The following KALRN variants were observed in gnomAD, a reference collection of about 807,000 sequenced individuals.
KALRN encodes kalirin.
KALRN carries 70 observed loss-of-function variants against 353.7 expected under a neutral mutation model. The observed-to-expected ratio is 0.20, with a 90% CI of 0.16 to 0.24. The LOEUF (loss-of-function observed/expected upper bound fraction) is 0.24, where lower values mean the gene tolerates loss of function less well. KALRN is among the 10% of genes least tolerant of loss of function. KALRN has a pLI of 1.00. For synonymous variants in KALRN, 1,391 were observed against 1,434.8 expected (o/e 0.97, Z 0.69); for missense variants, 2,791 against 3,756.7 (o/e 0.74, Z 6.72).
At chr3:124,269,391 AT>A (rs80330260) in intron 5 of KALRN, 136 bp downstream of exon 5, 22 of 938,784 alleles carry the variant, frequency 2.3e-5, no homozygotes, top group South Asian at 3.6e-5. Context: ...AGCTAATGTA[AT>A]TTTTTTAAGC....
At chr3:124,169,828 C>A (rs2071467438) in intron 1 of KALRN, among the ~76,000 whole-genome samples, 1 of 152,024 alleles carries the variant, frequency 6.6e-6, no homozygotes, top group South Asian at 2.1e-4. Flanking sequence ...TTGTCCTGAA[C>A]GTGGGAGTAG....
intron 1 of KALRN, among the ~76,000 whole-genome samples, chr3:124,204,142 C>G (rs893359526): frequency 7.2e-5 from 11 of 152,100 alleles, no homozygotes; most frequent in Non-Finnish European, 1.2e-4. Context: ...TTTCTGTTCT[C>G]TGGCCAGTCA....
intron 1 of KALRN, among the ~76,000 whole-genome samples, chr3:124,055,536 C>G (rs2041449425): frequency 6.6e-6 from 1 of 152,168 alleles, no homozygotes; most frequent in Admixed American, 6.5e-5. Context: ...TTTCAGACCA[C>G]CTTAATTACT....
intron 1 of KALRN, among the ~76,000 whole-genome samples, chr3:124,125,442 C>G (rs2064536804): frequency 6.6e-6 from 1 of 152,052 alleles, no homozygotes; most frequent in Non-Finnish European, 1.5e-5. Context: ...AGGAGGAAGC[C>G]CAAGGTCAGA....
At chr3:124,358,276 C>T (rs963945668) in intron 10 of KALRN, among the ~76,000 whole-genome samples, 1 of 152,192 alleles carries the variant, frequency 6.6e-6, no homozygotes, top group African/African-American at 2.4e-5. Context: ...TTTCCCAGCC[C>T]CACTAATTTT....
intron 31 of KALRN, 128 bp downstream of exon 31, chr3:124,491,552 C>T (rs1327355352): frequency 1.8e-6 from 1 of 548,894 alleles, no homozygotes. Context: ...GGAATGGCAG[C>T]ATCACGTGGG....
intron 33 of KALRN, among the ~76,000 whole-genome samples, chr3:124,529,013 CA>C (rs1375655077): frequency 6.6e-6 from 1 of 152,076 alleles, no homozygotes; most frequent in South Asian, 2.1e-4. Context: ...CTGTAGATTG[CA>C]AAAACTTTTG....
At chr3:124,227,048 G>A (rs543622032) in intron 1 of KALRN, among the ~76,000 whole-genome samples, 2 of 152,178 alleles carry the variant, frequency 1.3e-5, no homozygotes, top group African/African-American at 2.4e-5. Flanking sequence ...TGATAGGGAT[G>A]CAATGGTCTA....
At position 124,334,412 on chromosome 3, in the gene KALRN, C is replaced by A. The variant is rs147539685; in HGVS notation, c.1564C>A (p.Arg522=). Residue 522 remains arginine, a synonymous_variant, in exon 9 of 60, where the codon CGG becomes AGG. Coordinates refer to ENST00000682506, the MANE Select transcript of KALRN (RefSeq NM_001388419.1). The surrounding 1 kb of genome is among the most constrained non-coding windows in gnomAD (Gnocchi z 4.2). The part of the protein sequence containing the change: ...VVHEVLHHQR[R]LESIWQHRKV... ...GCATGAGGTGTTACATCACCAGCGA[C>A]GGCTGGAGAGCATCTGGCAGCACCG... 355 of 1,614,166 alleles carry A rather than the reference C, an allele frequency of 2.2e-4. 3 individuals carry two copies. Among genetic ancestry groups the A allele is most frequent in the South Asian group, 1.1e-3 (99 of 91,084 alleles).
intron 15 of KALRN, among the ~76,000 whole-genome samples, chr3:124,426,754 A>C (rs1256590292): frequency 6.6e-6 from 1 of 152,188 alleles, no homozygotes; most frequent in Non-Finnish European, 1.5e-5. Context: ...ATTACTCTCC[A>C]AACCCGAAAG....
At chr3:124,389,956 T>C (rs946323330) in intron 11 of KALRN, among the ~76,000 whole-genome samples, 1 of 152,184 alleles carries the variant, frequency 6.6e-6, no homozygotes, top group African/African-American at 2.4e-5. Context: ...GAAAAGCTAC[T>C]TAAAAAAGAA....
chr3:124,413,640 G>A lies in KALRN; in HGVS notation c.2517G>A (p.Gln839=), dbSNP rs878992704. The A allele has an allele frequency of 3.7e-6, 6 of 1,614,046 alleles. No individual in the cohort carries two copies. In the South Asian group the frequency reaches 6.6e-5, roughly 18 times the overall value. The change falls in exon 14 of 60, where the codon CAG becomes CAA. Residue 839 remains glutamine, a synonymous_variant. Transcript: ENST00000682506. ...TCCAGCAGGGACAGGATCTGCACCA[G>A]TACATCACGGAGGTCCAGGCATCAG... ...EVIQQGQDLH[Q]YITEVQASGI... is the part of the protein sequence containing the mutation.
In KALRN at chr3:124,721,032, A is replaced by G. The variant is rs1054080930; in HGVS notation, c.*1562A>G. ...AGAGAAAATTAAAATCACGTAGTAC[A>G]GAAGTGCAAGAAGAGAATTTATGAA... On this transcript the variant is annotated 3_prime_UTR_variant, in exon 60 of 60. Transcript: ENST00000682506. The G allele has an allele frequency of 3.3e-5, 5 of 152,272 alleles. No homozygotes were observed. Among genetic ancestry groups the G allele is most frequent in the Non-Finnish European group, 7.3e-5 (5 of 68,048 alleles). The allele number at this position is 152,272 out of a possible 1,614,324, so 9.4% of individuals were successfully genotyped here. A position where few individuals can be genotyped will look rare whatever the true frequency, so the allele number is the denominator to read the frequency against.
At chr3:124,324,475 T>G (rs953898996) in intron 6 of KALRN, among the ~76,000 whole-genome samples, 2 of 152,224 alleles carry the variant, frequency 1.3e-5, no homozygotes, top group Non-Finnish European at 1.5e-5. Flanking sequence ...AGGCTGAGAA[T>G]GATTCTTACA....
At chr3:124,534,390 G>T (rs747605266) in intron 33 of KALRN, among the ~76,000 whole-genome samples, 2 of 152,146 alleles carry the variant, frequency 1.3e-5, no homozygotes, top group Non-Finnish European at 2.9e-5. Context: ...GGGGGCCAGG[G>T]GAGGGAGAGC....
At chr3:124,355,692 C>G (rs2083308888) in intron 10 of KALRN, among the ~76,000 whole-genome samples, 1 of 146,034 alleles carries the variant, frequency 6.8e-6, no homozygotes, top group Non-Finnish European at 1.5e-5. Flanking sequence ...GATTAAACAC[C>G]CTCAACTCTC....
chr3:124,634,085 A>G, intron 36 of KALRN, 132 bp downstream of exon 36: 1 of 683,564 alleles, frequency 1.5e-6, no homozygotes, highest in Non-Finnish European at 2.5e-6. Flanking sequence ...TGTTGATACC[A>G]ATTGTGTCTC....
chr3:124,689,482 C>T (rs1578965248), intron 51 of KALRN, among the ~76,000 whole-genome samples: 1 of 152,172 alleles, frequency 6.6e-6, no homozygotes, highest in Non-Finnish European at 1.5e-5. Flanking sequence ...GGATTACAGG[C>T]GTGAGCAACC....
At chr3:124,461,537 G>T (rs752893913) in intron 23 of KALRN, among the ~76,000 whole-genome samples, 2 of 152,100 alleles carry the variant, frequency 1.3e-5, no homozygotes, top group Non-Finnish European at 2.9e-5. Context: ...ATCTAGTTTA[G>T]TTGGTGAGAC....
Sources: allele counts gnomAD v4.1 joint callset (sites outside exome capture counted in the v4.1 genomes callset), GRCh38; gene constraint gnomAD v4.1.1; non-coding constraint Gnocchi (gnomAD v3.1); transcripts MANE v1.5; gene names NCBI Gene and HGNC (gene_info 2026-07-23, HGNC 2026-07-21).